The following DPPA2 variants were observed in gnomAD, a reference collection of about 807,000 sequenced individuals.
DPPA2 encodes the protein developmental pluripotency associated 2.
DPPA2 carries 26 observed loss-of-function variants against 36.2 expected under a neutral mutation model. The ratio of observed to expected loss-of-function variants is 0.72; its 90% CI spans 0.53 to 1.00. DPPA2 has a LOEUF of 1.00. DPPA2 is among the 50% of genes least tolerant of loss of function. DPPA2 has a pLI of 0.00. For synonymous variants in DPPA2, 113 were observed against 123.2 expected (o/e 0.92, Z 0.55); for missense variants, 361 against 365.1 (o/e 0.99, Z 0.09).
chr3:109,315,859 T>C (rs560285037), intron 1 of DPPA2, among the ~76,000 whole-genome samples: 11 of 151,618 alleles, frequency 7.3e-5, no homozygotes, highest in African/African-American at 2.7e-4. Context: ...TGAGACCTCA[T>C]CTCTATGAAT....
intron 5 of DPPA2, 48 bp from the exon 6 acceptor site, chr3:109,308,341 A>G (rs1707618655): frequency 6.3e-7 from 1 of 1,578,128 alleles, no homozygotes; most frequent in Non-Finnish European, 8.6e-7. Context: ...CTAGGGCTGT[A>G]AGGACTTTTG....
chr3:109,302,643 G>A (rs1056030935), intron 7 of DPPA2, among the ~76,000 whole-genome samples: 5 of 151,706 alleles, frequency 3.3e-5, no homozygotes, highest in African/African-American at 7.3e-5. Context: ...TAGTAGAGAC[G>A]GGGTTTCATC....
chr3:109,305,015 ACATGCCTGTAATCCCAGCTACT>A, intron 6 of DPPA2, among the ~76,000 whole-genome samples: 1 of 151,956 alleles, frequency 6.6e-6, no homozygotes, highest in South Asian at 2.1e-4. Flanking sequence ...GCATGGTGGC[ACATGCCTGTAATCCCAGCTACT>A]CGGGAGGCTG....
chr3:109,314,362 A>G (rs1321813504), intron 2 of DPPA2, 148 bp downstream of exon 2: 7 of 790,244 alleles, frequency 8.9e-6, no homozygotes, highest in Non-Finnish European at 1.1e-5. Flanking sequence ...AAAACTAACA[A>G]TCTATTTGCA....
chr3:109,309,557 G>A (rs1707658089), intron 3 of DPPA2, among the ~76,000 whole-genome samples: 1 of 151,758 alleles, frequency 6.6e-6, no homozygotes, highest in Non-Finnish European at 1.5e-5. Context: ...GGGCGTGCTG[G>A]CGGGCGCCTG....
intron 5 of DPPA2, 36 bp downstream of exon 5, chr3:109,308,990 A>T: frequency 2.5e-6 from 4 of 1,613,638 alleles, no homozygotes; most frequent in Non-Finnish European, 3.4e-6. Flanking sequence ...CATGATCAGA[A>T]CCCACCTTCA....
At chr3:109,307,670 A>G (rs1166677654) in intron 6 of DPPA2, among the ~76,000 whole-genome samples, 1 of 151,996 alleles carries the variant, frequency 6.6e-6, no homozygotes, top group Non-Finnish European at 1.5e-5. Context: ...CCAATGTCAC[A>G]TATCCAGGAA....
At chr3:109,306,780 A>T (rs1027331263) in intron 6 of DPPA2, among the ~76,000 whole-genome samples, 5 of 151,498 alleles carry the variant, frequency 3.3e-5, no homozygotes, top group African/African-American at 1.2e-4. Flanking sequence ...AGCCTGACCA[A>T]CATGGAGAAA....
intron 8 of DPPA2, among the ~76,000 whole-genome samples, chr3:109,297,912 A>C (rs1334402286): frequency 6.6e-6 from 1 of 152,110 alleles, no homozygotes; most frequent in African/African-American, 2.4e-5. Flanking sequence ...TTTGAGACCA[A>C]TCTCGCCAAC....
intron 5 of DPPA2, 79 bp downstream of exon 5, chr3:109,308,947 T>C (rs1181504180): frequency 4.4e-5 from 67 of 1,530,366 alleles, no homozygotes; most frequent in South Asian, 9.0e-5. Context: ...GTACAACACA[T>C]AGATATGGTG....
chr3:109,303,094 T>G (rs1244872328), intron 7 of DPPA2, among the ~76,000 whole-genome samples: 5 of 152,042 alleles, frequency 3.3e-5, no homozygotes, highest in Non-Finnish European at 7.4e-5. Flanking sequence ...TATATTATAT[T>G]CTTTATTTAT....
At chr3:109,298,073 T>G (rs931026053) in intron 8 of DPPA2, among the ~76,000 whole-genome samples, 5 of 152,114 alleles carry the variant, frequency 3.3e-5, no homozygotes, top group African/African-American at 1.2e-4. Context: ...ACTGCACCAT[T>G]GCACTCCAGC....
At position 109,297,799 on chromosome 3, in the gene DPPA2, A is replaced by G. The variant is rs1238638401; in HGVS notation, c.*22+2572T>C. Among the ~76,000 whole-genome samples the G allele has an allele frequency of 2.0e-5, 3 of 152,016 alleles. No individual in the cohort carries two copies. In the East Asian group the frequency reaches 5.8e-4, roughly 30 times the overall value. On this transcript the variant is annotated intron_variant, in intron 8 of 8. Transcript: ENST00000478945. Reference sequence around the variant, plus strand: ...CTGTATAATTCTAAGTATACACAACATTCTGGAAATGGCAAAGCTATGATA... The same window carrying G: ...CTGTATAATTCTAAGTATACACAACGTTCTGGAAATGGCAAAGCTATGATA...
intron 8 of DPPA2, among the ~76,000 whole-genome samples, chr3:109,299,753 GT>G (rs35794059): frequency 5.9e-5 from 8 of 136,584 alleles, no homozygotes; most frequent in East Asian, 2.1e-4. Flanking sequence ...TGACTCATTA[GT>G]TTTTTTTTTT....
intron 3 of DPPA2, among the ~76,000 whole-genome samples, chr3:109,311,510 T>G (rs1340736435): frequency 6.6e-6 from 1 of 152,074 alleles, no homozygotes; most frequent in Non-Finnish European, 1.5e-5. Context: ...GAGGCCAAGG[T>G]GGGTGGATCA....
At position 109,310,662 on chromosome 3, in the gene DPPA2, T is replaced by C. The variant is rs560230567; in HGVS notation, c.182-1332A>G. 1.3e-3 allele frequency among the ~76,000 whole-genome samples: 200 copies of C among 151,638 alleles called. 6 individuals are homozygous for C. Among genetic ancestry groups the C allele is most frequent in the East Asian group, 9.4e-3 (47 of 5,024 alleles). ...GTGGGACTACAGGCACGCGCCACCA[T>C]GCCCAGCTAATTTTTGTATTTTTAG... is the stretch of plus-strand genomic sequence containing the variant. On this transcript the variant is annotated intron_variant, in intron 3 of 8. Coordinates refer to ENST00000478945, the MANE Select transcript of DPPA2 (RefSeq NM_138815.4).
At chr3:109,300,283 C>A in intron 8 of DPPA2, 88 bp downstream of exon 8, 1 of 1,055,020 alleles carries the variant, frequency 9.5e-7, no homozygotes, top group South Asian at 1.3e-5. Context: ...AGGGGGAAGG[C>A]AGAGAGTTTC....
intron 3 of DPPA2, among the ~76,000 whole-genome samples, chr3:109,312,266 G>T (rs974079740): frequency 6.6e-6 from 1 of 152,160 alleles, no homozygotes; most frequent in African/African-American, 2.4e-5. Context: ...CTCAGAAGGC[G>T]GAGGTTGCAG....
intron 2 of DPPA2, among the ~76,000 whole-genome samples, chr3:109,314,184 A>G (rs1025350141): frequency 1.3e-5 from 2 of 151,874 alleles, no homozygotes; most frequent in African/African-American, 4.9e-5. Context: ...TAATATTATT[A>G]TTCTCCATGC....
Sources: allele counts gnomAD v4.1 joint callset (sites outside exome capture counted in the v4.1 genomes callset), GRCh38; gene constraint gnomAD v4.1.1; transcripts MANE v1.5; gene names NCBI Gene and HGNC (gene_info 2026-07-23, HGNC 2026-07-21).